BCL2: variants seen among roughly 807,000 people sequenced by gnomAD.
The protein encoded by BCL2 is apoptosis regulator Bcl-2.
A neutral mutation model predicts 14.2 loss-of-function variants in BCL2; 1 was observed. That is an observed-to-expected ratio of 0.07 (90% confidence interval 0.02 to 0.33). BCL2 has a LOEUF of 0.33. BCL2 is among the 10% of genes least tolerant of loss of function. The pLI is 0.99. For missense variants in BCL2, 247 were observed against 305.9 expected (o/e 0.81, Z 1.44); for synonymous variants, 151 against 137.2 (o/e 1.10, Z -0.70).
chr18:63,201,151 CAT>C (rs138896848), intron 2 of BCL2, among the ~76,000 whole-genome samples: 3,628 of 152,344 alleles, frequency 0.024, 68 homozygotes, highest in Non-Finnish European at 0.041. Flanking sequence ...CTGACGTACA[CAT>C]AGAGACCACT....
intron 2 of BCL2, among the ~76,000 whole-genome samples, chr18:63,138,728 T>C (rs1458730676): frequency 6.6e-6 from 1 of 152,154 alleles, no homozygotes; most frequent in Non-Finnish European, 1.5e-5. Flanking sequence ...TCCATGTCAT[T>C]TGGATGTAAC....
intron 2 of BCL2, among the ~76,000 whole-genome samples, chr18:63,285,245 C>T (rs4987730): frequency 6.6e-6 from 1 of 152,192 alleles, no homozygotes; most frequent in Non-Finnish European, 1.5e-5. Flanking sequence ...GTACTCAGCT[C>T]CCCTGGCAGG....
intron 2 of BCL2, among the ~76,000 whole-genome samples, chr18:63,177,750 C>A (rs1308362845): frequency 1.3e-5 from 2 of 152,158 alleles, no homozygotes; most frequent in Non-Finnish European, 2.9e-5. Flanking sequence ...GGTCAAGAAA[C>A]AGCCCCCAAG....
chr18:63,126,006 ATTG>A lies in BCL2; in HGVS notation c.*2616_*2618del, dbSNP rs1393715660. The A allele has an allele frequency of 4.6e-6, 1 of 216,734 alleles. No individual in the cohort carries two copies. Among genetic ancestry groups the A allele is most frequent in the African/African-American group, 2.3e-5 (1 of 44,286 alleles). 13.4% of individuals were successfully genotyped at this position (216,734 alleles called of 1,614,324 possible). On this transcript the variant is annotated 3_prime_UTR_variant, in exon 3 of 3. Coordinates refer to ENST00000333681, the MANE Select transcript of BCL2 (RefSeq NM_000633.3). ...TATATTAAAAACGTCCACGTTCTTC[ATTG>A]TTACTTCTAAAGCAGCTTGGAGGAT...
chr18:63,255,869 A>C (rs570905348), intron 2 of BCL2, among the ~76,000 whole-genome samples: 67 of 152,278 alleles, frequency 4.4e-4, no homozygotes, highest in African/African-American at 1.4e-3. Flanking sequence ...CCAAAAAAAA[A>C]AAAGTAAGAA....
At chr18:63,128,818 T>C in intron 2 of BCL2, 59 bp from the exon 3 acceptor site, 1 of 714,664 alleles carries the variant, frequency 1.4e-6, no homozygotes, top group Non-Finnish European at 2.6e-6. Context: ...GAGCAGAGAA[T>C]GCCACCCCAC....
chr18:63,193,137 G>T (rs1909333163), intron 2 of BCL2, among the ~76,000 whole-genome samples: 1 of 152,182 alleles, frequency 6.6e-6, no homozygotes, highest in Admixed American at 6.5e-5. Context: ...CTAATCTGGG[G>T]CAAGGTATTC....
At chr18:63,235,335 C>T (rs923515694) in intron 2 of BCL2, among the ~76,000 whole-genome samples, 1 of 152,144 alleles carries the variant, frequency 6.6e-6, no homozygotes, top group African/African-American at 2.4e-5. Context: ...GCATGGTGTG[C>T]AAAGAACATA....
At chr18:63,311,247 T>C (rs1028963223) in intron 2 of BCL2, among the ~76,000 whole-genome samples, 1 of 152,192 alleles carries the variant, frequency 6.6e-6, no homozygotes, top group East Asian at 1.9e-4. Flanking sequence ...TATAGAGATA[T>C]AGCATTCATC....
intron 2 of BCL2, among the ~76,000 whole-genome samples, chr18:63,219,451 CT>C (rs11289698): frequency 0.12 from 13,175 of 109,856 alleles, 209 homozygotes; most frequent in Middle Eastern, 0.15. Context: ...CACAGCAGAA[CT>C]TTTTTTTTTT....
At position 63,178,807 on chromosome 18, in the gene BCL2, T is replaced by A. The variant is rs866333714; in HGVS notation, c.586-50048A>T. On this transcript the variant is annotated intron_variant, in intron 2 of 2. Transcript: ENST00000333681. ...CCAACCTCCCTGCTTTGTTGTGAAA[T>A]TGTCACTGCGCCTTTGAGGAGTGAT... 4.0e-5 allele frequency among the ~76,000 whole-genome samples: 6 copies of A among 151,176 alleles called. No individual in the cohort carries two copies. The South Asian group carries it at 6.3e-4, about 16-fold the overall frequency.
chr18:63,210,592 A>G (rs1909971431), intron 2 of BCL2, among the ~76,000 whole-genome samples: 1 of 152,226 alleles, frequency 6.6e-6, no homozygotes, highest in Non-Finnish European at 1.5e-5. Context: ...TGTATGAATG[A>G]AATATAAAGA....
chr18:63,304,811 C>T (rs1464427234), intron 2 of BCL2, among the ~76,000 whole-genome samples: 3 of 152,070 alleles, frequency 2.0e-5, no homozygotes, highest in African/African-American at 4.8e-5. Context: ...CGGGCACTTC[C>T]GATTAAAGCT....
chr18:63,300,230 C>T (rs1599299164), intron 2 of BCL2, among the ~76,000 whole-genome samples: 1 of 152,036 alleles, frequency 6.6e-6, no homozygotes, highest in Non-Finnish European at 1.5e-5. Flanking sequence ...ATTACATCCC[C>T]GTCCACTTGA....
At position 63,128,084 on chromosome 18, in the gene BCL2, C is replaced by G. The variant is rs970325827; in HGVS notation, c.*541G>C. ...AGGCCAGGGAGGCATGGACTTCCCC[C>G]CACAGGAACCCTCCCTCTGTTAATA... On this transcript the variant is annotated 3_prime_UTR_variant, in exon 3 of 3. Transcript: ENST00000333681. 2 of 226,546 alleles carry G rather than the reference C, an allele frequency of 8.8e-6. No homozygotes were observed. The highest frequency in any genetic ancestry group is 2.2e-5 in the African/African-American group (1 of 45,020). The allele number at this position is 226,546 out of a possible 1,614,324, so 14.0% of individuals were successfully genotyped here.
chr18:63,129,335 G>A (rs1237488469), intron 2 of BCL2, among the ~76,000 whole-genome samples: 2 of 151,164 alleles, frequency 1.3e-5, no homozygotes, highest in Admixed American at 1.3e-4. Flanking sequence ...TGTTGCCCAG[G>A]CTGCAGTGCA....
chr18:63,195,272 G>A (rs956188557), intron 2 of BCL2, among the ~76,000 whole-genome samples: 1 of 152,170 alleles, frequency 6.6e-6, no homozygotes, highest in Non-Finnish European at 1.5e-5. Flanking sequence ...AATACAGGCC[G>A]CTTTCATCTC....
intron 2 of BCL2, among the ~76,000 whole-genome samples, chr18:63,199,140 C>T (rs916599215): frequency 1.3e-5 from 2 of 150,360 alleles, no homozygotes; most frequent in South Asian, 2.1e-4. Context: ...GGCACAGACA[C>T]AGAGACGCAG....
chr18:63,220,586 T>A (rs1404897270), intron 2 of BCL2, among the ~76,000 whole-genome samples: 3 of 152,174 alleles, frequency 2.0e-5, no homozygotes, highest in African/African-American at 7.2e-5. Context: ...TGGAAAATGG[T>A]AAAGATATAT....
Sources: allele counts gnomAD v4.1 joint callset (sites outside exome capture counted in the v4.1 genomes callset), GRCh38; gene constraint gnomAD v4.1.1; transcripts MANE v1.5; gene names NCBI Gene and HGNC (gene_info 2026-07-23, HGNC 2026-07-21).